Variants in VAV2 observed in about 807,000 individuals in gnomAD.
VAV2 encodes the protein vav guanine nucleotide exchange factor 2.
In VAV2, 67 loss-of-function variants were observed where a neutral mutation model predicts 132.5. That is an observed-to-expected ratio of 0.51 (90% CI 0.42 to 0.62). VAV2 has a LOEUF of 0.62. Ranked by LOEUF, VAV2 falls within the 20% of genes least tolerant of loss-of-function variation. The probability of loss-of-function intolerance (pLI) is 0.00; values close to 1 mark genes in which losing one functional copy is unlikely to be tolerated. For synonymous variants in VAV2, 492 were observed against 443.5 expected (o/e 1.11, Z -1.37); for missense variants, 938 against 1,153.6 (o/e 0.81, Z 2.71).
intron 2 of VAV2, among the ~76,000 whole-genome samples, chr9:133,913,160 G>C (rs1839941550): frequency 6.6e-6 from 1 of 152,206 alleles, no homozygotes; most frequent in African/African-American, 2.4e-5. Flanking sequence ...CCCACCTCTG[G>C]TGAGACAATG....
At chr9:133,881,283 G>A (rs1236168255) in intron 2 of VAV2, among the ~76,000 whole-genome samples, 6 of 152,242 alleles carry the variant, frequency 3.9e-5, no homozygotes, top group Non-Finnish European at 7.3e-5. Flanking sequence ...TGCAGATAGC[G>A]GAGCGCAGAC....
In VAV2 at chr9:133,915,686, C is replaced by T. The variant is rs546356766; in HGVS notation, c.321+23417G>A. On this transcript the variant is annotated intron_variant, in intron 2 of 29. Coordinates refer to ENST00000371850, the MANE Select transcript of VAV2 (RefSeq NM_001134398.2). ...CACACATGCACACACACACAATGCA[C>T]ACGTGCACACACAATGCACAGACGC... 6.8e-5 allele frequency among the ~76,000 whole-genome samples: 10 copies of T among 146,276 alleles called. No individual in the cohort carries two copies. In the South Asian group the frequency reaches 2.3e-3, roughly 34 times the overall value.
chr9:133,856,452 T>G (rs1173550254), intron 3 of VAV2, among the ~76,000 whole-genome samples: 2 of 151,798 alleles, frequency 1.3e-5, no homozygotes, highest in Non-Finnish European at 2.9e-5. Flanking sequence ...CATGCTGGTA[T>G]GTGCCCCCCA....
intron 2 of VAV2, among the ~76,000 whole-genome samples, chr9:133,904,677 C>A (rs556632553): frequency 6.6e-6 from 1 of 152,240 alleles, no homozygotes; most frequent in East Asian, 1.9e-4. Context: ...ACGGGGCCGT[C>A]GGGTGCCAGG....
rs996676028 is a variant in VAV2 at position 133,804,686 on chromosome 9, C to T, written c.836+1395G>A. 1.3e-5 allele frequency among the ~76,000 whole-genome samples: 2 copies of T among 152,216 alleles called. No homozygotes were observed. The highest frequency in any genetic ancestry group is 4.8e-5 in the African/African-American group (2 of 41,452). On this transcript the variant is annotated intron_variant, in intron 9 of 29. Coordinates refer to ENST00000371850, the MANE Select transcript of VAV2 (RefSeq NM_001134398.2). This position sits in a 1 kb window ranked among gnomAD's most constrained non-coding sequence, Gnocchi z 4.5. ...CAAGGCGCTGAAAAGGACCACTGTA[C>T]CCCACACCTGCTGAGGACTGGGGCG... is the stretch of plus-strand genomic sequence containing the variant.
intron 9 of VAV2, among the ~76,000 whole-genome samples, chr9:133,799,123 T>A (rs951097612): frequency 1.3e-5 from 2 of 152,220 alleles, no homozygotes; most frequent in Admixed American, 1.3e-4. Flanking sequence ...GGGGTCTTGA[T>A]GCAGGGACAG....
chr9:133,840,035 G>T lies in VAV2; in HGVS notation c.381-5695C>A, dbSNP rs576739869. On this transcript the variant is annotated intron_variant, in intron 3 of 29. Coordinates refer to ENST00000371850, the MANE Select transcript of VAV2 (RefSeq NM_001134398.2). This position sits in a 1 kb window ranked among gnomAD's most constrained non-coding sequence, Gnocchi z 4.5. ...CAGGCACCAGCTGATTTTCCTTCCC[G>T]CACTTACCCCTAGCGTCCCCTACCC... Among the ~76,000 whole-genome samples, 6 of 151,432 alleles carry T rather than the reference G, an allele frequency of 4.0e-5. No homozygotes were observed. The highest frequency in any genetic ancestry group is 1.3e-4 in the Admixed American group (2 of 15,214).
At chr9:133,835,386 G>C (rs1440998655) in intron 3 of VAV2, among the ~76,000 whole-genome samples, 1 of 140,288 alleles carries the variant, frequency 7.1e-6, no homozygotes, top group Non-Finnish European at 1.6e-5. Flanking sequence ...TCAGCCTCAG[G>C]AAGCGGGGAG....
rs542367064 is a variant in VAV2, at chr9:133,823,564, T to A, written c.449+10708A>T. On this transcript the variant is annotated intron_variant, in intron 4 of 29. Coordinates refer to ENST00000371850, the MANE Select transcript of VAV2 (RefSeq NM_001134398.2). The surrounding 1 kb of genome is among the most constrained non-coding windows in gnomAD (Gnocchi z 5.5). ...GAAATAACGTCAAAAGGGAGAAGTC[T>A]TCCTCTTCCTGGAGTTCCAGAACAG... Among the ~76,000 whole-genome samples the A allele has an allele frequency of 1.2e-4, 19 of 152,320 alleles. No homozygotes were observed. In the East Asian group the frequency reaches 2.9e-3, roughly 23 times the overall value.
chr9:133,888,472 C>G (rs1838800668), intron 2 of VAV2, among the ~76,000 whole-genome samples: 2 of 152,248 alleles, frequency 1.3e-5, no homozygotes, highest in Non-Finnish European at 2.9e-5. Context: ...CAAGGCCAAA[C>G]ACGGACAGGC....
At chr9:133,984,138 A>T (rs1842782990) in intron 1 of VAV2, among the ~76,000 whole-genome samples, 1 of 151,962 alleles carries the variant, frequency 6.6e-6, no homozygotes, top group African/African-American at 2.4e-5. Context: ...CACCCAGCTA[A>T]TTTTTTGTAT....
At chr9:133,890,334 C>T (rs931261364) in intron 2 of VAV2, among the ~76,000 whole-genome samples, 3 of 152,202 alleles carry the variant, frequency 2.0e-5, no homozygotes, top group Non-Finnish European at 2.9e-5. Flanking sequence ...TCACGCAGGC[C>T]GTGGGGCAAC....
chr9:133,772,498 G>A (rs1833665166), intron 25 of VAV2, among the ~76,000 whole-genome samples: 3 of 152,110 alleles, frequency 2.0e-5, no homozygotes, highest in South Asian at 2.1e-4. Flanking sequence ...TCTGGGCCTC[G>A]GCACCGGCTG....
chr9:133,784,306 G>A lies in VAV2; in HGVS notation c.1634+11C>T. On this transcript the variant is annotated intron_variant, in intron 18 of 29. Coordinates refer to ENST00000371850, the MANE Select transcript of VAV2 (RefSeq NM_001134398.2). ...AGCGAGGTGAGGGCTGTAGCAGGGG[G>A]TTTCCCACACCTGAGGAACATTTTG... The A allele has an allele frequency of 6.2e-7, 1 of 1,613,316 alleles. No homozygotes were observed. The highest frequency in any genetic ancestry group is 1.1e-5 in the South Asian group (1 of 91,046).
At chr9:133,844,773 A>G (rs1397279365) in intron 3 of VAV2, among the ~76,000 whole-genome samples, 1 of 152,232 alleles carries the variant, frequency 6.6e-6, no homozygotes, top group Non-Finnish European at 1.5e-5. Context: ...GGACTATGGC[A>G]CAGGAACGCA....
intron 2 of VAV2, among the ~76,000 whole-genome samples, chr9:133,906,576 C>T (rs1247925051): frequency 6.6e-6 from 1 of 152,188 alleles, no homozygotes; most frequent in Admixed American, 6.5e-5. Context: ...TCCATGAAAA[C>T]ACTGATGAGA....
Position 133,834,255 on chromosome 9 carries a change from C to T in VAV2, c.449+17G>A. ...CCCTCCCTCCTCTCCATCCCTCCTC[C>T]CATCCCCCCGCCTTACTCGGCCAGC... On this transcript the variant is annotated intron_variant, in intron 4 of 29. Coordinates refer to ENST00000371850, the MANE Select transcript of VAV2 (RefSeq NM_001134398.2). This position sits in a 1 kb window ranked among gnomAD's most constrained non-coding sequence, Gnocchi z 5.9. The T allele has an allele frequency of 6.2e-7, 1 of 1,603,924 alleles. No individual in the cohort carries two copies. Among genetic ancestry groups the T allele is most frequent in the African/African-American group, 1.3e-5 (1 of 74,864 alleles).
At chr9:133,981,451 T>A (rs1842690861) in intron 1 of VAV2, among the ~76,000 whole-genome samples, 1 of 152,188 alleles carries the variant, frequency 6.6e-6, no homozygotes, top group Non-Finnish European at 1.5e-5. Flanking sequence ...GGCCGCCCGC[T>A]GCACTCTGCT....
chr9:133,952,991 G>T (rs1238272074), intron 1 of VAV2, among the ~76,000 whole-genome samples: 1 of 149,888 alleles, frequency 6.7e-6, no homozygotes, highest in African/African-American at 2.5e-5. Context: ...GAACCTGGAG[G>T]GAGCATGGCC....
Sources: allele counts gnomAD v4.1 joint callset (sites outside exome capture counted in the v4.1 genomes callset), GRCh38; gene constraint gnomAD v4.1.1; non-coding constraint Gnocchi (gnomAD v3.1); transcripts MANE v1.5; gene names NCBI Gene and HGNC (gene_info 2026-07-23, HGNC 2026-07-21).